Variants in BRINP3 observed in about 807,000 individuals in gnomAD.
The protein encoded by BRINP3 is BMP/retinoic acid inducible neural specific 3, also known as BMP/retinoic acid-inducible neural-specific protein 3.
A neutral mutation model predicts 71.0 loss-of-function variants in BRINP3; 19 were observed. That is an observed-to-expected ratio of 0.27 (90% CI 0.19 to 0.39). BRINP3 has a LOEUF of 0.39. Ranked by LOEUF, BRINP3 falls within the 10% of genes least tolerant of loss-of-function variation. The pLI is 1.00. For missense variants in BRINP3, 959 were observed against 940.8 expected (o/e 1.02, Z -0.25); for synonymous variants, 380 against 337.7 (o/e 1.13, Z -1.37).
At chr1:190,231,945 T>C (rs1355658246) in intron 5 of BRINP3, among the ~76,000 whole-genome samples, 1 of 151,980 alleles carries the variant, frequency 6.6e-6, no homozygotes, top group Non-Finnish European at 1.5e-5. Flanking sequence ...TTTCTTTTTC[T>C]AATGAAAGAG....
intron 2 of BRINP3, among the ~76,000 whole-genome samples, chr1:190,316,199 T>C (rs181784244): frequency 1.4e-4 from 22 of 152,256 alleles, no homozygotes; most frequent in African/African-American, 5.1e-4. Context: ...CTTTATTTTG[T>C]TACTGAAACT....
At chr1:190,121,320 C>T (rs1653632106) in intron 7 of BRINP3, among the ~76,000 whole-genome samples, 1 of 151,866 alleles carries the variant, frequency 6.6e-6, no homozygotes, top group African/African-American at 2.4e-5. Flanking sequence ...GATATTAAAA[C>T]AAAACTGATT....
intron 3 of BRINP3, among the ~76,000 whole-genome samples, chr1:190,273,002 A>C (rs1662241669): frequency 6.6e-6 from 1 of 151,232 alleles, no homozygotes; most frequent in Non-Finnish European, 1.5e-5. Context: ...AATTTTGAGA[A>C]GGGCACTCAA....
intron 6 of BRINP3, among the ~76,000 whole-genome samples, chr1:190,191,606 T>C (rs1334757884): frequency 6.6e-6 from 1 of 152,164 alleles, no homozygotes; most frequent in Non-Finnish European, 1.5e-5. Context: ...TATGACTGCA[T>C]AGTATTCCAT....
intron 5 of BRINP3, among the ~76,000 whole-genome samples, chr1:190,231,608 A>C (rs1400079353): frequency 6.6e-6 from 1 of 151,866 alleles, no homozygotes. Context: ...GCATTGAAAA[A>C]AATTGAAGTA....
At chr1:190,155,628 C>T (rs187913869) in intron 7 of BRINP3, among the ~76,000 whole-genome samples, 16 of 151,862 alleles carry the variant, frequency 1.1e-4, no homozygotes, top group African/African-American at 3.9e-4. Context: ...CTCTGTTCCC[C>T]TACTCAAATC....
intron 2 of BRINP3, among the ~76,000 whole-genome samples, chr1:190,421,492 A>G (rs1402237634): frequency 1.3e-5 from 2 of 151,502 alleles, no homozygotes; most frequent in Non-Finnish European, 3.0e-5. Flanking sequence ...ATTTATAACT[A>G]TATATAACTA....
chr1:190,308,173 T>C (rs1311274849), intron 2 of BRINP3, among the ~76,000 whole-genome samples: 1 of 150,300 alleles, frequency 6.7e-6, no homozygotes, highest in Non-Finnish European at 1.5e-5. Context: ...GACATAATTT[T>C]GCTTTTGAGA....
intron 7 of BRINP3, among the ~76,000 whole-genome samples, chr1:190,147,232 G>A (rs815340): frequency 0.97 from 147,483 of 152,216 alleles, 71,485 homozygotes; most frequent in East Asian, 1. Context: ...TCAATATTGC[G>A]TATTTTCTAA....
At chr1:190,176,422 T>C (rs1652511887) in intron 6 of BRINP3, among the ~76,000 whole-genome samples, 1 of 152,148 alleles carries the variant, frequency 6.6e-6, no homozygotes, top group Non-Finnish European at 1.5e-5. Flanking sequence ...ACAACAAACA[T>C]AACCCTTTGT....
intron 2 of BRINP3, among the ~76,000 whole-genome samples, chr1:190,311,368 T>C (rs1356838477): frequency 6.6e-6 from 1 of 151,672 alleles, no homozygotes; most frequent in African/African-American, 2.4e-5. Context: ...GTGAGGAGAA[T>C]GTTTATGAAA....
chr1:190,470,957 T>C (rs1056661861), intron 1 of BRINP3, among the ~76,000 whole-genome samples: 1 of 151,188 alleles, frequency 6.6e-6, no homozygotes, highest in Non-Finnish European at 1.5e-5. Flanking sequence ...CAGAACTGTA[T>C]GAATGAATAC....
chr1:190,179,756 C>T (rs1169526339), intron 6 of BRINP3, among the ~76,000 whole-genome samples: 2 of 152,114 alleles, frequency 1.3e-5, no homozygotes, highest in African/African-American at 4.8e-5. Flanking sequence ...AATTTATCTA[C>T]TATCAGCTTG....
chr1:190,144,818 G>T, intron 7 of BRINP3, among the ~76,000 whole-genome samples: 1 of 151,972 alleles, frequency 6.6e-6, no homozygotes, highest in African/African-American at 2.4e-5. Context: ...GAAGCCACAG[G>T]GGCTCCTCAT....
intron 7 of BRINP3, among the ~76,000 whole-genome samples, chr1:190,118,076 A>T (rs1401378558): frequency 6.6e-6 from 1 of 151,868 alleles, no homozygotes; most frequent in Non-Finnish European, 1.5e-5. Flanking sequence ...AATCTCATAA[A>T]TGATGCTGAA....
At chr1:190,210,465 T>C (rs1655887997) in intron 6 of BRINP3, among the ~76,000 whole-genome samples, 1 of 152,094 alleles carries the variant, frequency 6.6e-6, no homozygotes, top group African/African-American at 2.4e-5. Context: ...ATACAAACTA[T>C]ATTAGACAAA....
At chr1:190,382,622 T>C (rs746485168) in intron 2 of BRINP3, among the ~76,000 whole-genome samples, 42 of 152,304 alleles carry the variant, frequency 2.8e-4, no homozygotes, top group African/African-American at 9.1e-4. Context: ...ATTTATTAAA[T>C]GTTTTCTCCT....
At chr1:190,354,026 A>G (rs763877527) in intron 2 of BRINP3, among the ~76,000 whole-genome samples, 1 of 151,874 alleles carries the variant, frequency 6.6e-6, no homozygotes, top group Non-Finnish European at 1.5e-5. Flanking sequence ...GAACTTAACA[A>G]GCCACTTAAA....
At chr1:190,338,178 C>A (rs1463035103) in intron 2 of BRINP3, among the ~76,000 whole-genome samples, 8 of 152,008 alleles carry the variant, frequency 5.3e-5, no homozygotes. Flanking sequence ...GAAATCAAAT[C>A]TCAGAATGCA....
Sources: allele counts gnomAD v4.1 joint callset (sites outside exome capture counted in the v4.1 genomes callset), GRCh38; gene constraint gnomAD v4.1.1; transcripts MANE v1.5; gene names NCBI Gene and HGNC (gene_info 2026-07-23, HGNC 2026-07-21).